Variants in CATSPERE observed in about 807,000 individuals in gnomAD.
CATSPERE encodes cation channel sperm-associated auxiliary subunit epsilon.
Under a neutral mutation model 114.1 loss-of-function variants are expected in CATSPERE, and 93 were observed. That is an observed-to-expected ratio of 0.81 (90% confidence interval 0.69 to 0.97). The LOEUF is 0.97. Ranked by LOEUF, CATSPERE falls within the 50% of genes least tolerant of loss-of-function variation. The pLI, the probability that CATSPERE is intolerant of heterozygous loss-of-function variation, is 0.00. For missense variants in CATSPERE, 1,058 were observed against 1,131.6 expected (o/e 0.93, Z 0.93); for synonymous variants, 341 against 384.1 (o/e 0.89, Z 1.31).
intron 8 of CATSPERE, among the ~76,000 whole-genome samples, chr1:244,539,936 A>G (rs1294241292): frequency 1.2e-4 from 4 of 33,994 alleles, no homozygotes; most frequent in Non-Finnish European, 3.4e-4. Flanking sequence ...TTCTGGATTC[A>G]TTAATTTTTT....
intron 2 of CATSPERE, among the ~76,000 whole-genome samples, chr1:244,474,114 C>T (rs1021145324): frequency 1.3e-5 from 2 of 152,102 alleles, no homozygotes; most frequent in Admixed American, 1.3e-4. Flanking sequence ...TCACTGCAAC[C>T]TCCGACTCCC....
At chr1:244,637,499 T>A (rs999197220) in intron 21 of CATSPERE, among the ~76,000 whole-genome samples, 2 of 152,090 alleles carry the variant, frequency 1.3e-5, no homozygotes, top group African/African-American at 4.8e-5. Flanking sequence ...AATCCAGACA[T>A]CCCATTCTCT....
At position 244,605,994 on chromosome 1, in the gene CATSPERE, G is replaced by A. The variant is rs79463350; in HGVS notation, c.2403+200G>A. The stretch of plus-strand genomic sequence containing the variant: ...GTTGTCACATAAGACAGACATAAAG[G>A]GGTCAGAAAAAAAATAACATTTATA... On this transcript the variant is annotated intron_variant, in intron 18 of 21. Coordinates refer to ENST00000366534, the MANE Select transcript of CATSPERE (RefSeq NM_001130957.2). 2.5e-3 allele frequency among the ~76,000 whole-genome samples: 379 copies of A among 152,084 alleles called. 5 individuals carry two copies. The highest frequency in any genetic ancestry group is 0.014 in the East Asian group (70 of 5,174).
At chr1:244,582,953 AT>A (rs1558539054) in intron 12 of CATSPERE, among the ~76,000 whole-genome samples, 54 of 2,928 alleles carry the variant, frequency 0.018, 1 homozygote, top group African/African-American at 0.034. Flanking sequence ...ATATATATAT[AT>A]ATATATATAT....
intron 8 of CATSPERE, among the ~76,000 whole-genome samples, chr1:244,526,649 TC>T (rs148032253): frequency 1.4e-5 from 2 of 140,340 alleles, no homozygotes; most frequent in Admixed American, 6.9e-5. Context: ...TTAGTCTTTT[TC>T]TTTTTTTTTT....
chr1:244,552,951 C>T, intron 9 of CATSPERE, 137 bp downstream of exon 9: 1 of 352,464 alleles, frequency 2.8e-6, no homozygotes, highest in South Asian at 1.3e-4. Flanking sequence ...CTGTAAACAG[C>T]TCTAACTCAA....
chr1:244,499,107 G>A, intron 7 of CATSPERE, 28 bp downstream of exon 7: 1 of 1,528,872 alleles, frequency 6.5e-7, no homozygotes, highest in Non-Finnish European at 9.1e-7. Context: ...TATCGTCATA[G>A]TAAGAACAGA....
chr1:244,556,358 C>CA lies in CATSPERE; in HGVS notation c.1029+3548dup, dbSNP rs559857215. 2.1e-4 allele frequency among the ~76,000 whole-genome samples: 32 copies of CA among 152,016 alleles called. No homozygotes were observed. The South Asian group carries it at 5.8e-3, about 28-fold the overall frequency. Reference sequence around the variant, plus strand: ...AAGGCAGAAAAGGGAAATAGAGGAACAAAACCCTGAGGATACAATAGAAAA... The same window carrying CA: ...AAGGCAGAAAAGGGAAATAGAGGAACAAAAACCCTGAGGATACAATAGAAAA... On this transcript the variant is annotated intron_variant, in intron 9 of 21. Transcript: ENST00000366534.
intron 5 of CATSPERE, among the ~76,000 whole-genome samples, chr1:244,484,112 G>A: frequency 6.6e-6 from 1 of 152,002 alleles, no homozygotes; most frequent in Admixed American, 6.5e-5. Flanking sequence ...ATATATGCAT[G>A]GGTGTTTCTC....
intron 19 of CATSPERE, 52 bp from the exon 20 acceptor site, chr1:244,617,477 G>A (rs371881561): frequency 1.6e-4 from 212 of 1,331,204 alleles, no homozygotes; most frequent in South Asian, 9.0e-4. Flanking sequence ...ATAATTTTGC[G>A]TATCAAAGTC....
At chr1:244,501,156 G>C (rs1460441803) in intron 7 of CATSPERE, among the ~76,000 whole-genome samples, 1 of 152,032 alleles carries the variant, frequency 6.6e-6, no homozygotes, top group African/African-American at 2.4e-5. Context: ...TCTGTTATTG[G>C]TGTATAGGGC....
chr1:244,611,049 C>T (rs1205025516), intron 19 of CATSPERE, among the ~76,000 whole-genome samples: 2 of 152,252 alleles, frequency 1.3e-5, no homozygotes, highest in East Asian at 3.9e-4. Context: ...CGTGAGCCAC[C>T]GCACCCAGCC....
intron 5 of CATSPERE, among the ~76,000 whole-genome samples, chr1:244,484,780 C>G (rs1291894745): frequency 6.6e-6 from 1 of 152,188 alleles, no homozygotes; most frequent in Non-Finnish European, 1.5e-5. Context: ...ATATTACCTT[C>G]TCTTCCTGAA....
intron 7 of CATSPERE, among the ~76,000 whole-genome samples, chr1:244,512,530 A>G (rs1675944682): frequency 1.3e-5 from 2 of 148,768 alleles, no homozygotes; most frequent in South Asian, 2.1e-4. Context: ...GAGTTTCTTT[A>G]TTGTCATTTT....
chr1:244,603,662 A>ATT (rs5782299), intron 17 of CATSPERE, among the ~76,000 whole-genome samples: 402 of 147,310 alleles, frequency 2.7e-3, no homozygotes, highest in Non-Finnish European at 4.0e-3. Context: ...TTCAATTAAG[A>ATT]TTTTTTTTTT....
At chr1:244,538,545 A>C (rs1013302473) in intron 8 of CATSPERE, among the ~76,000 whole-genome samples, 2 of 152,218 alleles carry the variant, frequency 1.3e-5, no homozygotes, top group South Asian at 4.1e-4. Flanking sequence ...TACCTTTGCC[A>C]ATATCCAAGA....
intron 6 of CATSPERE, among the ~76,000 whole-genome samples, 170 bp from the exon 7 acceptor site, chr1:244,498,831 GA>G (rs1423220820): frequency 6.6e-6 from 1 of 152,196 alleles, no homozygotes; most frequent in Non-Finnish European, 1.5e-5. Flanking sequence ...CCAGGAGGCA[GA>G]GGTTGCAGTG....
chr1:244,635,353 C>T, intron 20 of CATSPERE, 136 bp from the exon 21 acceptor site: 1 of 600,062 alleles, frequency 1.7e-6, no homozygotes, highest in Non-Finnish European at 2.9e-6. Flanking sequence ...TAAATGTATC[C>T]ATTCTGTCCT....
chr1:244,601,723 T>C (rs535195264), intron 17 of CATSPERE, among the ~76,000 whole-genome samples: 143 of 152,100 alleles, frequency 9.4e-4, no homozygotes, highest in African/African-American at 3.4e-3. Flanking sequence ...GAGGCCAAGG[T>C]GGGCGGATCA....
Sources: allele counts gnomAD v4.1 joint callset (sites outside exome capture counted in the v4.1 genomes callset), GRCh38; gene constraint gnomAD v4.1.1; transcripts MANE v1.5; gene names NCBI Gene and HGNC (gene_info 2026-07-23, HGNC 2026-07-21).